Variants in FAR2 observed in about 807,000 individuals in gnomAD.
FAR2 encodes fatty acyl-CoA reductase 2.
In FAR2, 19 loss-of-function variants were observed where a neutral mutation model predicts 56.0. That is an observed-to-expected ratio of 0.34 (90% CI 0.24 to 0.50). The LOEUF is 0.50. Ranked by LOEUF, FAR2 falls within the 20% of genes least tolerant of loss-of-function variation. The pLI is 0.98. For synonymous variants in FAR2, 219 were observed against 218.8 expected (o/e 1.00, Z -0.01); for missense variants, 508 against 642.2 (o/e 0.79, Z 2.26).
intron 1 of FAR2, among the ~76,000 whole-genome samples, chr12:29,216,952 G>T (rs926430240): frequency 6.6e-6 from 1 of 152,130 alleles, no homozygotes; most frequent in South Asian, 2.1e-4. Context: ...TAACAATAAT[G>T]CAACACCAGA....
chr12:29,271,249 A>G (rs1030473921), intron 2 of FAR2, among the ~76,000 whole-genome samples: 7 of 152,204 alleles, frequency 4.6e-5, no homozygotes, highest in African/African-American at 1.7e-4. Context: ...AAAAAAAGAC[A>G]TTATGCATAT....
At chr12:29,323,290 C>A (rs905532734) in intron 10 of FAR2, among the ~76,000 whole-genome samples, 3 of 152,244 alleles carry the variant, frequency 2.0e-5, no homozygotes, top group Non-Finnish European at 4.4e-5. Context: ...TCAAGGAGGC[C>A]CGCCTGCCTC....
intron 1 of FAR2, among the ~76,000 whole-genome samples, chr12:29,226,931 T>C (rs1947778266): frequency 6.6e-6 from 1 of 152,210 alleles, no homozygotes; most frequent in African/African-American, 2.4e-5. Context: ...AAGCATAACC[T>C]GGTGGAGCAT....
chr12:29,247,352 A>G (rs1948144632), intron 1 of FAR2, among the ~76,000 whole-genome samples: 1 of 152,168 alleles, frequency 6.6e-6, no homozygotes, highest in Non-Finnish European at 1.5e-5. Flanking sequence ...ATTGACATTA[A>G]CAAATTCTCT....
At chr12:29,159,600 A>G (rs1349355510) in intron 1 of FAR2, among the ~76,000 whole-genome samples, 1 of 151,932 alleles carries the variant, frequency 6.6e-6, no homozygotes, top group Non-Finnish European at 1.5e-5. Flanking sequence ...GATCATGAAA[A>G]TTCTTCCCCA....
At chr12:29,257,625 G>C (rs1478755505) in intron 1 of FAR2, among the ~76,000 whole-genome samples, 3 of 152,034 alleles carry the variant, frequency 2.0e-5, no homozygotes, top group African/African-American at 7.2e-5. Context: ...CCTGAAGCCA[G>C]CGAGACCACG....
intron 1 of FAR2, among the ~76,000 whole-genome samples, chr12:29,188,785 T>G (rs191579336): frequency 4.6e-5 from 7 of 152,088 alleles, no homozygotes; most frequent in African/African-American, 1.2e-4. Context: ...TTTGTTTTTT[T>G]TTTTTCATGA....
chr12:29,293,676 G>A (rs1014713188), intron 3 of FAR2: 1 of 395,254 alleles, frequency 2.5e-6, no homozygotes, highest in African/African-American at 2.1e-5. Flanking sequence ...ATGTATCTAT[G>A]ATTACATAGG....
At chr12:29,307,944 T>C in intron 5 of FAR2, 109 bp downstream of exon 5, 3 of 1,215,964 alleles carry the variant, frequency 2.5e-6, no homozygotes, top group East Asian at 2.5e-5. Context: ...TATAGCTAAG[T>C]GCAGCCAATC....
intron 10 of FAR2, among the ~76,000 whole-genome samples, chr12:29,332,305 T>C (rs903977657): frequency 8.5e-5 from 13 of 152,208 alleles, no homozygotes. Flanking sequence ...CTGAAATATA[T>C]ACCAAGCCAA....
chr12:29,213,605 G>T (rs907071049), intron 1 of FAR2, among the ~76,000 whole-genome samples: 2 of 150,400 alleles, frequency 1.3e-5, no homozygotes, highest in African/African-American at 2.4e-5. Context: ...CAGGGGAATC[G>T]CTTGAATCCG....
intron 1 of FAR2, among the ~76,000 whole-genome samples, chr12:29,248,714 G>A (rs2136673865): frequency 6.6e-6 from 1 of 152,228 alleles, no homozygotes; most frequent in Non-Finnish European, 1.5e-5. Context: ...GAGCACTATG[G>A]GAGACTGGGA....
Position 29,310,888 on chromosome 12 carries a change from C to G in FAR2, c.769-140C>G, listed in dbSNP as rs1949336247. ...GATAGGCTGAGGAAGTCAGACTTAG[C>G]ATAAGAACCTGGTAAGCAGTGGATC... On this transcript the variant is annotated intron_variant, in intron 6 of 11. Transcript: ENST00000536681. The G allele has an allele frequency of 6.1e-6, 4 of 658,692 alleles. No individual in the cohort carries two copies. The East Asian group carries it at 8.0e-5, about 13-fold the overall frequency. The allele number at this position is 658,692 out of a possible 1,614,324, so 40.8% of individuals were successfully genotyped here. A position where few individuals can be genotyped will look rare whatever the true frequency, so the allele number is the denominator to read the frequency against.
intron 2 of FAR2, chr12:29,280,282 T>C (rs1272671497): frequency 2.0e-5 from 3 of 152,236 alleles, no homozygotes; most frequent in African/African-American, 7.2e-5. Context: ...TGTTATTTTG[T>C]TCGTTATCCC....
chr12:29,227,057 A>T (rs1268985634), intron 1 of FAR2, among the ~76,000 whole-genome samples: 1 of 152,170 alleles, frequency 6.6e-6, no homozygotes, highest in Non-Finnish European at 1.5e-5. Flanking sequence ...AACAAATGTC[A>T]CTTTCCCCCT....
chr12:29,243,811 G>A (rs1948079911), intron 1 of FAR2, among the ~76,000 whole-genome samples: 1 of 152,106 alleles, frequency 6.6e-6, no homozygotes, highest in Admixed American at 6.5e-5. Flanking sequence ...ACATCATGTT[G>A]AGTTCAGGAT....
intron 1 of FAR2, among the ~76,000 whole-genome samples, chr12:29,258,972 G>C (rs1328921696): frequency 6.6e-6 from 1 of 152,172 alleles, no homozygotes; most frequent in Non-Finnish European, 1.5e-5. Flanking sequence ...TTCCATACGT[G>C]TAATTTGCTT....
At chr12:29,267,311 G>A (rs935151020) in intron 1 of FAR2, among the ~76,000 whole-genome samples, 1 of 152,178 alleles carries the variant, frequency 6.6e-6, no homozygotes, top group African/African-American at 2.4e-5. Context: ...CAATATTTGA[G>A]TCTATGCTAT....
chr12:29,314,149 A>T (rs901957844), intron 8 of FAR2, among the ~76,000 whole-genome samples: 2 of 152,210 alleles, frequency 1.3e-5, no homozygotes, highest in African/African-American at 4.8e-5. Context: ...AACTTTCTAC[A>T]TGTGCATGAA....
Sources: allele counts gnomAD v4.1 joint callset (sites outside exome capture counted in the v4.1 genomes callset), GRCh38; gene constraint gnomAD v4.1.1; transcripts MANE v1.5; gene names NCBI Gene and HGNC (gene_info 2026-07-23, HGNC 2026-07-21).